Variants in GPATCH8 observed in about 807,000 individuals in gnomAD.
The protein encoded by GPATCH8 is G-patch domain containing 8.
In GPATCH8, 18 loss-of-function variants were observed where a neutral mutation model predicts 118.3. The ratio of observed to expected loss-of-function variants is 0.15; its 90% CI spans 0.11 to 0.23. GPATCH8 has a LOEUF of 0.23. GPATCH8 is among the 10% of genes least tolerant of loss of function. The probability of loss-of-function intolerance (pLI) is 1.00; values close to 1 mark genes in which losing one functional copy is unlikely to be tolerated. For synonymous variants in GPATCH8, 659 were observed against 684.7 expected, an observed-to-expected ratio of 0.96 and a Z score of 0.59; for missense variants, 1,631 against 1,873.8, an observed-to-expected ratio of 0.87 and a Z score of 2.39.
chr17:44,458,748 C>T (rs1232765425), intron 3 of GPATCH8, among the ~76,000 whole-genome samples: 2 of 152,078 alleles, frequency 1.3e-5, no homozygotes, highest in Non-Finnish European at 2.9e-5. Context: ...GGTCTTGAAC[C>T]CTTGGCCTCA....
intron 6 of GPATCH8, among the ~76,000 whole-genome samples, chr17:44,416,238 T>C (rs930959167): frequency 6.6e-6 from 1 of 152,162 alleles, no homozygotes; most frequent in Non-Finnish European, 1.5e-5. Flanking sequence ...CTCGAACTTC[T>C]CACCTCACGT....
At chr17:44,458,050 A>C (rs1666404079) in intron 3 of GPATCH8, among the ~76,000 whole-genome samples, 1 of 150,226 alleles carries the variant, frequency 6.7e-6, no homozygotes, top group South Asian at 2.1e-4. Flanking sequence ...GTGCCACTGC[A>C]CTCCAGCCAG....
rs780429291 is a variant in GPATCH8, at chr17:44,398,165, G to A, written c.3912C>T (p.Pro1304=). The A allele has an allele frequency of 1.1e-5, 17 of 1,613,510 alleles. No individual in the cohort carries two copies. The highest frequency in any genetic ancestry group is 2.2e-5 in the East Asian group (1 of 44,886). The change falls in exon 8 of 8, where the codon CCC becomes CCT. Residue 1304 remains proline, a synonymous_variant. Coordinates refer to ENST00000591680, the MANE Select transcript of GPATCH8 (RefSeq NM_001002909.4). ...TDGAEDASLA[P]LESQPITFTP... ...TGAAGGTGATGGGCTGGCTTTCCAG[G>A]GGGGCCAGTGAAGCATCCTCAGCCC...
At chr17:44,500,018 T>G (rs1254593384) in intron 1 of GPATCH8, among the ~76,000 whole-genome samples, 1 of 152,102 alleles carries the variant, frequency 6.6e-6, no homozygotes, top group East Asian at 1.9e-4. Flanking sequence ...CTAGAAGCCG[T>G]TGGGAGACCA....
intron 1 of GPATCH8, among the ~76,000 whole-genome samples, chr17:44,483,231 A>G (rs1292346584): frequency 9.7e-6 from 1 of 103,340 alleles, no homozygotes; most frequent in African/African-American, 3.5e-5. Flanking sequence ...CCTACCTCTC[A>G]TATCTCTTAG....
chr17:44,456,422 G>T (rs4793108), intron 3 of GPATCH8, among the ~76,000 whole-genome samples: 91,559 of 152,094 alleles, frequency 0.6, 27,764 homozygotes, highest in Middle Eastern at 0.67. Flanking sequence ...GGCCAGAAGT[G>T]AGTGCAATAT....
At position 44,397,884 on chromosome 17, in the gene GPATCH8, T is replaced by G; in HGVS notation, c.4193A>C (p.His1398Pro). ...ATGCACCTGGGCAAGTGGTTGGGGA[T>G]GGGGGTGAGGGTGAATGCCGATGGC... is the stretch of plus-strand genomic sequence containing the variant. ...AAAIGIHPHP[H>P]PQPLAQVHHI... is the part of the protein sequence containing the mutation. The change falls in exon 8 of 8, where the codon CAT becomes CCT. Residue 1398 changes from histidine (H) to proline (P), a missense_variant. Around this residue, in one of 8 missense-constraint regions of GPATCH8, gnomAD observed 111 missense variants for 112.4 expected, o/e 0.99. Coordinates refer to ENST00000591680, the MANE Select transcript of GPATCH8 (RefSeq NM_001002909.4). 1 of 1,606,430 alleles carries G rather than the reference T, an allele frequency of 6.2e-7. No individual in the cohort carries two copies. Among genetic ancestry groups the G allele is most frequent in the Non-Finnish European group, 8.5e-7 (1 of 1,174,364 alleles).
intron 3 of GPATCH8, among the ~76,000 whole-genome samples, chr17:44,443,682 A>C (rs772564158): frequency 1.3e-5 from 2 of 151,900 alleles, no homozygotes; most frequent in Non-Finnish European, 2.9e-5. Context: ...TCCTTTATTT[A>C]TTTTTTAAAA....
chr17:44,407,494 C>G (rs748271722), intron 6 of GPATCH8, among the ~76,000 whole-genome samples: 21 of 151,998 alleles, frequency 1.4e-4, no homozygotes, highest in Non-Finnish European at 2.6e-4. Flanking sequence ...AGTAATCCCA[C>G]CTAGAAAAAT....
intron 5 of GPATCH8, among the ~76,000 whole-genome samples, chr17:44,430,209 G>C (rs1350300913): frequency 6.6e-6 from 1 of 152,104 alleles, no homozygotes; most frequent in Non-Finnish European, 1.5e-5. Context: ...GTATTACCCT[G>C]ATACAAAGAC....
intron 5 of GPATCH8, among the ~76,000 whole-genome samples, chr17:44,430,706 G>C (rs959689368): frequency 6.6e-6 from 1 of 151,618 alleles, no homozygotes; most frequent in Non-Finnish European, 1.5e-5. Flanking sequence ...GCAGTGGTGC[G>C]ATCTTGGCTC....
chr17:44,435,646 A>AC (rs982648382), intron 4 of GPATCH8, among the ~76,000 whole-genome samples: 1 of 147,254 alleles, frequency 6.8e-6, no homozygotes, highest in Non-Finnish European at 1.5e-5. Flanking sequence ...TGAACTCCTC[A>AC]CCTCAGGTGA....
chr17:44,475,331 G>A (rs1172059582), intron 1 of GPATCH8, among the ~76,000 whole-genome samples: 1 of 149,438 alleles, frequency 6.7e-6, no homozygotes, highest in African/African-American at 2.5e-5. Flanking sequence ...AGTGAGTTGA[G>A]ACTGGGCCAC....
intron 1 of GPATCH8, among the ~76,000 whole-genome samples, chr17:44,491,860 G>A (rs1401587344): frequency 6.6e-6 from 1 of 152,026 alleles, no homozygotes; most frequent in Non-Finnish European, 1.5e-5. Context: ...GAAGTACAAT[G>A]AAATCCTGTC....
At chr17:44,487,382 G>A (rs552735609) in intron 1 of GPATCH8, among the ~76,000 whole-genome samples, 366 of 152,256 alleles carry the variant, frequency 2.4e-3, no homozygotes, top group African/African-American at 8.7e-3. Context: ...GTATACCACA[G>A]TTTACTTATC....
intron 1 of GPATCH8, among the ~76,000 whole-genome samples, chr17:44,482,315 T>C (rs1968316581): frequency 6.6e-6 from 1 of 152,072 alleles, no homozygotes; most frequent in Admixed American, 6.6e-5. Flanking sequence ...GGGTCATGCC[T>C]GTAATACCAG....
In GPATCH8 at chr17:44,398,293, G is replaced by A. The variant is rs138768525; in HGVS notation, c.3784C>T (p.Pro1262Ser). The A allele has an allele frequency of 9.3e-6, 15 of 1,613,740 alleles. No individual in the cohort carries two copies. The highest frequency in any genetic ancestry group is 6.7e-5 in the African/African-American group (5 of 74,920). The stretch of plus-strand genomic sequence containing the variant: ...AGCAAGCTGGACTCCACAGGGCCTG[G>A]CTGACTGCTGCTATCCAGGGACTCC... ...TLESLDSSSQ[P>S]GPVESSLLPI... The change falls in exon 8 of 8, where the codon CCA becomes TCA. Residue 1262 changes from proline to serine, a missense_variant. Coordinates refer to ENST00000591680, the MANE Select transcript of GPATCH8 (RefSeq NM_001002909.4).
intron 7 of GPATCH8, among the ~76,000 whole-genome samples, chr17:44,401,831 C>G (rs965951205): frequency 1.6e-4 from 24 of 151,872 alleles, no homozygotes; most frequent in African/African-American, 5.6e-4. Context: ...CGGTGAAACC[C>G]TGTCTCTACT....
At position 44,488,222 on chromosome 17, in the gene GPATCH8, CCTTT is replaced by C. The variant is rs1968946093; in HGVS notation, c.46-13323_46-13320del. On this transcript the variant is annotated intron_variant, in intron 1 of 7. Transcript: ENST00000591680. ...ACAGGCATGAGCCACCGTGCCTGAC[CCTTT>C]TTTTTTTTTTTTTTTTTTAAGACAG... is the stretch of plus-strand genomic sequence containing the variant. Among the ~76,000 whole-genome samples, 15 of 122,384 alleles carry C rather than the reference CCTTT, an allele frequency of 1.2e-4. 1 individual carries two copies. In the South Asian group the frequency reaches 4.0e-3, roughly 32 times the overall value. 80.3% of individuals were successfully genotyped at this position (122,384 alleles called of 152,430 possible).
Sources: allele counts gnomAD v4.1 joint callset (sites outside exome capture counted in the v4.1 genomes callset), GRCh38; gene constraint gnomAD v4.1.1; regional missense constraint gnomAD v4.1.1; transcripts MANE v1.5; gene names NCBI Gene and HGNC (gene_info 2026-07-23, HGNC 2026-07-21).